The following RRAS2 variants were observed in gnomAD, a reference collection of about 807,000 sequenced individuals.
RRAS2 encodes RAS related 2.
Under a neutral mutation model 27.6 loss-of-function variants are expected in RRAS2, and 7 were observed. The observed-to-expected ratio is 0.25, with a 90% CI of 0.14 to 0.48. The LOEUF (loss-of-function observed/expected upper bound fraction) is 0.48. Ranked by LOEUF, RRAS2 falls within the 20% of genes least tolerant of loss-of-function variation. RRAS2 has a pLI of 0.99. For synonymous variants in RRAS2, 86 were observed against 90.9 expected (o/e 0.95, Z 0.31); for missense variants, 178 against 256.2 (o/e 0.69, Z 2.08).
intron 1 of RRAS2, among the ~76,000 whole-genome samples, chr11:14,340,891 T>C (rs1349180477): frequency 6.6e-6 from 1 of 152,152 alleles, no homozygotes; most frequent in Non-Finnish European, 1.5e-5. Flanking sequence ...TTGAGGAAAT[T>C]AGCAACATTC....
chr11:14,284,683 G>A (rs1165831724), intron 4 of RRAS2, among the ~76,000 whole-genome samples: 7 of 152,224 alleles, frequency 4.6e-5, no homozygotes, highest in African/African-American at 9.6e-5. Flanking sequence ...ATTAGATCAC[G>A]AATGTTTGGG....
upstream of RRAS2, among the ~76,000 whole-genome samples, chr11:14,362,113 T>G (rs552959329): frequency 2.8e-4 from 42 of 152,348 alleles, no homozygotes; most frequent in African/African-American, 9.9e-4. Context: ...AGTTTCTTTT[T>G]GAGGAGTTGA....
intron 4 of RRAS2, among the ~76,000 whole-genome samples, chr11:14,293,635 A>G (rs1204283903): frequency 6.6e-6 from 1 of 152,168 alleles, no homozygotes; most frequent in Non-Finnish European, 1.5e-5. Context: ...GCCTGCCGTC[A>G]TGTAAGACGT....
At chr11:14,325,144 T>C (rs1457081283) in intron 1 of RRAS2, among the ~76,000 whole-genome samples, 1 of 152,176 alleles carries the variant, frequency 6.6e-6, no homozygotes, top group African/African-American at 2.4e-5. Flanking sequence ...GCTATCATCG[T>C]ATCTGAGCCC....
At chr11:14,332,369 C>T (rs959754766) in intron 1 of RRAS2, among the ~76,000 whole-genome samples, 4 of 152,130 alleles carry the variant, frequency 2.6e-5, no homozygotes, top group Non-Finnish European at 5.9e-5. Flanking sequence ...GGCGTGGTGG[C>T]GTGTGCCTGT....
intron 1 of RRAS2, among the ~76,000 whole-genome samples, chr11:14,297,132 C>T (rs1430817044): frequency 1.3e-5 from 2 of 152,222 alleles, no homozygotes; most frequent in Admixed American, 6.5e-5. Context: ...ACATCATCCT[C>T]CATTTGTTCT....
chr11:14,291,194 AGAG>A (rs1320425853), intron 4 of RRAS2, among the ~76,000 whole-genome samples: 1 of 152,238 alleles, frequency 6.6e-6, no homozygotes, highest in African/African-American at 2.4e-5. Flanking sequence ...GAGTGAGGAA[AGAG>A]AAGAAAGTGT....
chr11:14,333,775 C>T (rs1047570248), intron 1 of RRAS2, among the ~76,000 whole-genome samples: 11 of 151,948 alleles, frequency 7.2e-5, no homozygotes, highest in Non-Finnish European at 1.5e-4. Context: ...TCCCAAGTAG[C>T]TGCAACCACG....
chr11:14,359,149 A>G lies in RRAS2; in HGVS notation c.-279T>C. The G allele has an allele frequency of 2.0e-6, 2 of 1,021,842 alleles. No individual in the cohort carries two copies. Among genetic ancestry groups the G allele is most frequent in the South Asian group, 4.6e-5 (1 of 21,566 alleles). 63.3% of individuals were successfully genotyped at this position (1,021,842 alleles called of 1,614,324 possible). A position where few individuals can be genotyped will look rare whatever the true frequency, so the allele number is the denominator to read the frequency against. On this transcript the variant is annotated 5_prime_UTR_variant, in exon 1 of 6. Coordinates refer to ENST00000256196, the MANE Select transcript of RRAS2 (RefSeq NM_012250.6). ...CTACGCGTCTCCGCAGCGCCTGCCG[A>G]ACGCAGCCTCCAGCGCCGCCACAAA...
intron 5 of RRAS2, 27 bp downstream of exon 5, chr11:14,281,573 AAC>A: frequency 6.6e-7 from 1 of 1,516,476 alleles, no homozygotes; most frequent in Non-Finnish European, 8.9e-7. Context: ...AATTTATTAA[AAC>A]ACACATCTAG....
At chr11:14,320,285 A>C (rs2133995563) in intron 1 of RRAS2, among the ~76,000 whole-genome samples, 1 of 152,374 alleles carries the variant, frequency 6.6e-6, no homozygotes, top group South Asian at 2.1e-4. Context: ...ACCACAAGAG[A>C]GCAAGATATT....
In RRAS2 at chr11:14,358,640, C is replaced by T. The variant is rs1315180855; in HGVS notation, c.108+123G>A. 34 of 977,838 alleles carry T rather than the reference C, an allele frequency of 3.5e-5. No individual in the cohort carries two copies. In the African/African-American group the frequency reaches 4.9e-4, roughly 14 times the overall value. 60.6% of individuals were successfully genotyped at this position (977,838 alleles called of 1,614,324 possible). A position where few individuals can be genotyped will look rare whatever the true frequency, so the allele number is the denominator to read the frequency against. On this transcript the variant is annotated intron_variant, in intron 1 of 5. Transcript: ENST00000256196. The surrounding 1 kb of genome is among the most constrained non-coding windows in gnomAD (Gnocchi z 5.1). Reference sequence around the variant, plus strand: ...AGTCGGCCCCGCGCCCTCCCGCCCCCTGGCCCCGGCCCGGGCCCGCGAGGC... The same window carrying T: ...AGTCGGCCCCGCGCCCTCCCGCCCCTTGGCCCCGGCCCGGGCCCGCGAGGC...
chr11:14,338,768 G>A (rs1848639789), intron 1 of RRAS2, among the ~76,000 whole-genome samples: 1 of 152,048 alleles, frequency 6.6e-6, no homozygotes, highest in African/African-American at 2.4e-5. Context: ...CAGAGTTACA[G>A]AAGGATACAG....
At chr11:14,339,293 A>AGGGGGG (rs549908438) in intron 1 of RRAS2, among the ~76,000 whole-genome samples, 1 of 63,930 alleles carries the variant, frequency 1.6e-5, no homozygotes, top group African/African-American at 6.2e-5. Context: ...AAAAAAAAAA[A>AGGGGGG]GGGGGGGGGG....
At chr11:14,289,942 A>T (rs1337931283) in intron 4 of RRAS2, among the ~76,000 whole-genome samples, 1 of 152,226 alleles carries the variant, frequency 6.6e-6, no homozygotes, top group Non-Finnish European at 1.5e-5. Context: ...ATCAAGTCTA[A>T]GACAAAGGTA....
intron 1 of RRAS2, among the ~76,000 whole-genome samples, chr11:14,315,432 CAA>C (rs1420815784): frequency 6.6e-6 from 1 of 152,138 alleles, no homozygotes; most frequent in Non-Finnish European, 1.5e-5. Context: ...GAGTACTCTT[CAA>C]AATAGTTGGG....
chr11:14,347,098 T>C (rs1333190799), intron 1 of RRAS2, among the ~76,000 whole-genome samples: 5 of 152,140 alleles, frequency 3.3e-5, no homozygotes, highest in African/African-American at 1.2e-4. Flanking sequence ...GGAGTTTCAA[T>C]GTTGCAGTAA....
chr11:14,305,134 C>T (rs137967861), intron 1 of RRAS2, among the ~76,000 whole-genome samples: 79 of 152,262 alleles, frequency 5.2e-4, no homozygotes, highest in African/African-American at 1.9e-3. Context: ...CAACCATGTG[C>T]CTTCATTTGC....
chr11:14,282,079 C>T (rs1849554094), intron 4 of RRAS2, among the ~76,000 whole-genome samples: 1 of 152,026 alleles, frequency 6.6e-6, no homozygotes, highest in African/African-American at 2.4e-5. Context: ...ACATTTAAGC[C>T]CAGAAGATAA....
Sources: gnomAD v4.1 joint callset for allele counts (sites outside exome capture counted in the v4.1 genomes callset) on GRCh38, gnomAD v4.1.1 for gene constraint, Gnocchi (gnomAD v3.1) non-coding constraint, MANE v1.5 for transcripts, NCBI Gene and HGNC (gene_info 2026-07-23, HGNC 2026-07-21) for gene names.